MID1: variants seen among roughly 807,000 people sequenced by gnomAD.
MID1 encodes E3 ubiquitin-protein ligase Midline-1.
Under a neutral mutation model 40.4 loss-of-function variants are expected in MID1, and 7 were observed. The ratio of observed to expected loss-of-function variants is 0.17; its 90% CI spans 0.10 to 0.33. The LOEUF is 0.33. Among genes scored for constraint, MID1 ranks in the 10% least tolerant of loss-of-function variants. MID1 has a pLI of 1.00. For synonymous variants in MID1, 229 were observed against 221.2 expected, an observed-to-expected ratio of 1.04 and a Z score of -0.31; for missense variants, 367 against 558.5, an observed-to-expected ratio of 0.66 and a Z score of 3.46.
At chrX:10,501,688 C>T (rs1352120187) in intron 3 of MID1, 6 of 522,428 alleles carry the variant, frequency 1.1e-5, no homozygotes, top group Non-Finnish European at 1.8e-5. Flanking sequence ...ATGCTCATAT[C>T]TGCCACCAAT....
chrX:10,454,130 A>T (rs985342878), intron 9 of MID1, among the ~76,000 whole-genome samples: 3 of 111,751 alleles, frequency 2.7e-5, no homozygotes, highest in African/African-American at 9.8e-5. Context: ...TTCCAATGTA[A>T]TTGTGTCCTG....
chrX:10,773,038 G>A (rs1404536671), intron 1 of MID1, among the ~76,000 whole-genome samples: 1 of 111,543 alleles, frequency 9.0e-6, no homozygotes, highest in African/African-American at 3.3e-5. Context: ...AATGCTGAAA[G>A]ATAACTGTAA....
chrX:10,618,907 C>A (rs1191802844), intron 1 of MID1, among the ~76,000 whole-genome samples: 3 of 111,925 alleles, frequency 2.7e-5, no homozygotes, highest in South Asian at 3.7e-4. Context: ...CTTTTCAATC[C>A]TTTCCAATTA....
intron 2 of MID1, among the ~76,000 whole-genome samples, chrX:10,553,767 TCTTTA>T (rs1356124000): frequency 8.9e-6 from 1 of 111,919 alleles, no homozygotes; most frequent in African/African-American, 3.3e-5. Context: ...TATTTTTACT[TCTTTA>T]TTTATATTAG....
intron 1 of MID1, among the ~76,000 whole-genome samples, chrX:10,615,976 T>G (rs1935831012): frequency 8.9e-6 from 1 of 112,336 alleles, no homozygotes; most frequent in South Asian, 3.7e-4. Context: ...TTGAATGAAC[T>G]CATTTTCATA....
At chrX:10,488,671 T>C (rs779998977) in intron 4 of MID1, among the ~76,000 whole-genome samples, 3 of 111,378 alleles carry the variant, frequency 2.7e-5, no homozygotes, top group Non-Finnish European at 5.7e-5. Flanking sequence ...TGTGAGGGTG[T>C]TGCCAAAGGA....
chrX:10,516,849 C>T (rs1932474615), intron 3 of MID1, among the ~76,000 whole-genome samples: 1 of 109,978 alleles, frequency 9.1e-6, no homozygotes, highest in Admixed American at 9.7e-5. Context: ...TCCTTGGGCT[C>T]AAGTAATCCT....
At chrX:10,692,424 G>T (rs984066561) in intron 1 of MID1, among the ~76,000 whole-genome samples, 10 of 111,168 alleles carry the variant, frequency 9.0e-5, no homozygotes, top group Non-Finnish European at 1.5e-4. Flanking sequence ...GACCAGCCTG[G>T]CCAACATGGT....
intron 1 of MID1, among the ~76,000 whole-genome samples, chrX:10,617,261 GCCA>G (rs759542947): frequency 8.9e-6 from 1 of 111,863 alleles, no homozygotes; most frequent in East Asian, 2.8e-4. Context: ...GGATCAAATT[GCCA>G]CCTCATTCTC....
At position 10,449,616 on chromosome X, in the gene MID1, C is replaced by T. The variant is rs777097030; in HGVS notation, c.1756G>A (p.Val586Met). The stretch of plus-strand genomic sequence containing the variant: ...GGGATTTCCTTGCTATTGTGTCTCA[C>T]CACCCAGTTATTGTTGCAGCGGCAG... ...ALCRCNNNWVVRHNSKEIPIE... is the reference protein window; with the variant it reads ...ALCRCNNNWVMRHNSKEIPIE... The change falls in exon 10 of 10, where the codon GTG becomes ATG. Residue 586 changes from valine (V) to methionine (M), a missense_variant. Val to Met is a conservative substitution (Grantham distance 21). Transcript: ENST00000317552. The T allele has an allele frequency of 3.3e-6, 4 of 1,211,683 alleles. No individual in the cohort carries two copies. Among genetic ancestry groups the T allele is most frequent in the Non-Finnish European group, 4.5e-6 (4 of 895,393 alleles).
intron 1 of MID1, among the ~76,000 whole-genome samples, chrX:10,753,567 A>G (rs867112356): frequency 0.038 from 4,214 of 110,165 alleles, 166 homozygotes; most frequent in African/African-American, 0.12. Flanking sequence ...TGCACACTTC[A>G]AAAAAAAAAA....
intron 2 of MID1, among the ~76,000 whole-genome samples, chrX:10,554,653 T>C (rs1252488501): frequency 3.6e-5 from 4 of 111,563 alleles, no homozygotes; most frequent in Non-Finnish European, 7.5e-5. Flanking sequence ...GAGGCCCTTG[T>C]TTGCTGGGAC....
chrX:10,831,804 G>A (rs1463277167), intron 1 of MID1, among the ~76,000 whole-genome samples: 1 of 111,577 alleles, frequency 9.0e-6, no homozygotes, highest in Non-Finnish European at 1.9e-5. Context: ...TACCCCAGGA[G>A]ACTTATCTGT....
chrX:10,512,098 A>T (rs1044578005), intron 3 of MID1, among the ~76,000 whole-genome samples: 1 of 112,441 alleles, frequency 8.9e-6, no homozygotes, highest in Non-Finnish European at 1.9e-5. Context: ...GAGGAAAAAA[A>T]GGAATTTACT....
rs777564176 is a variant in MID1 at position 10,753,864 on chromosome X, C to T, written c.-187+79690G>A. Among the ~76,000 whole-genome samples the T allele has an allele frequency of 8.0e-5, 9 of 112,069 alleles. No individual in the cohort carries two copies. The South Asian group carries it at 2.9e-3, about 37-fold the overall frequency. On this transcript the variant is annotated intron_variant, in intron 1 of 10. Coordinates refer to the MID1 transcript ENST00000380785. ...TGGTATTAATCTTTTTTAAAAGCTA[C>T]AATTATAAAAATAATAAAATAGGGT... is the stretch of plus-strand genomic sequence containing the variant.
intron 1 of MID1, among the ~76,000 whole-genome samples, chrX:10,815,795 A>G (rs917081016): frequency 8.9e-6 from 1 of 112,604 alleles, no homozygotes; most frequent in African/African-American, 3.2e-5. Flanking sequence ...TAAATGGTCC[A>G]AAGAAGAGTT....
intron 2 of MID1, among the ~76,000 whole-genome samples, chrX:10,532,773 T>TA (rs1346167787): frequency 1.6e-5 from 1 of 64,507 alleles, no homozygotes; most frequent in East Asian, 3.1e-4. Flanking sequence ...TAAGAATGGT[T>TA]TTTTTTTTTT....
At chrX:10,693,584 T>C (rs976384677) in intron 1 of MID1, among the ~76,000 whole-genome samples, 5 of 111,703 alleles carry the variant, frequency 4.5e-5, no homozygotes, top group African/African-American at 9.8e-5. Flanking sequence ...GAGAAAGAAA[T>C]ATATATTCAG....
intron 2 of MID1, among the ~76,000 whole-genome samples, chrX:10,566,532 C>CCTCTCTCTCTCCCTCTCT (rs1934551088): frequency 1.9e-5 from 1 of 52,877 alleles, no homozygotes; most frequent in African/African-American, 6.0e-5. Flanking sequence ...CCTCTCTCTC[C>CCTCTCTCTCTCCCTCTCT]CTCTCTCTCT....
Sources: gnomAD v4.1 joint callset for allele counts (sites outside exome capture counted in the v4.1 genomes callset) on GRCh38, gnomAD v4.1.1 for gene constraint, MANE v1.5 for transcripts, NCBI Gene and HGNC (gene_info 2026-07-23, HGNC 2026-07-21) for gene names.